The following STXBP5L variants were observed in gnomAD, a reference collection of about 807,000 sequenced individuals.
STXBP5L encodes syntaxin binding protein 5L, also known as syntaxin-binding protein 5-like.
STXBP5L carries 65 observed loss-of-function variants against 144.5 expected under a neutral mutation model. The observed-to-expected ratio is 0.45, with a 90% CI of 0.37 to 0.55. The LOEUF is 0.55. Among genes scored for constraint, STXBP5L ranks in the 20% least tolerant of loss-of-function variants. STXBP5L has a pLI of 0.00. For missense variants in STXBP5L, 1,298 were observed against 1,405.5 expected (o/e 0.92, Z 1.22); for synonymous variants, 505 against 469.6 (o/e 1.08, Z -0.97).
intron 20 of STXBP5L, among the ~76,000 whole-genome samples, chr3:121,355,823 T>C (rs1392569241): frequency 1.3e-5 from 2 of 152,224 alleles, no homozygotes; most frequent in African/African-American, 2.4e-5. Flanking sequence ...ATCTATGTGG[T>C]CTTATCTACC....
At chr3:121,002,234 A>T (rs926694602) in intron 3 of STXBP5L, among the ~76,000 whole-genome samples, 16 of 152,084 alleles carry the variant, frequency 1.1e-4, no homozygotes, top group African/African-American at 3.6e-4. Context: ...TCTCTTTGAT[A>T]ATAGGCATTC....
intron 9 of STXBP5L, among the ~76,000 whole-genome samples, chr3:121,169,539 T>A (rs1428502170): frequency 6.6e-6 from 1 of 151,626 alleles, no homozygotes; most frequent in East Asian, 1.9e-4. Flanking sequence ...AAAGCAAGAG[T>A]TGCAATCCTA....
intron 5 of STXBP5L, among the ~76,000 whole-genome samples, chr3:121,087,355 C>A (rs1401126871): frequency 1.3e-5 from 2 of 151,948 alleles, no homozygotes; most frequent in African/African-American, 4.8e-5. Flanking sequence ...ATGTATTTTG[C>A]AGCCTGTTTG....
chr3:121,177,676 G>C (rs766207692), intron 9 of STXBP5L, among the ~76,000 whole-genome samples: 7 of 152,170 alleles, frequency 4.6e-5, no homozygotes, highest in South Asian at 2.1e-4. Flanking sequence ...TGCACTGTTG[G>C]TGCAAATTTA....
chr3:121,103,905 G>T (rs866103297), intron 5 of STXBP5L, among the ~76,000 whole-genome samples: 2 of 152,068 alleles, frequency 1.3e-5, no homozygotes, highest in Non-Finnish European at 2.9e-5. Context: ...ATATGTTTGG[G>T]TATTTACTGC....
chr3:121,175,144 A>T (rs2046883016), intron 9 of STXBP5L, among the ~76,000 whole-genome samples: 1 of 152,154 alleles, frequency 6.6e-6, no homozygotes, highest in Non-Finnish European at 1.5e-5. Context: ...TAACAAGGAA[A>T]AATAACAATA....
At chr3:121,335,150 C>T (rs1241233906) in intron 20 of STXBP5L, among the ~76,000 whole-genome samples, 3 of 152,090 alleles carry the variant, frequency 2.0e-5, no homozygotes, top group Admixed American at 1.3e-4. Context: ...ACTAGCATTT[C>T]TATACACCAA....
intron 2 of STXBP5L, among the ~76,000 whole-genome samples, chr3:120,927,931 C>T (rs1576431411): frequency 1.3e-5 from 2 of 151,944 alleles, no homozygotes; most frequent in African/African-American, 4.8e-5. Context: ...TTACAGTGCT[C>T]ATATATTTTA....
chr3:121,037,586 C>G (rs1946851336), intron 3 of STXBP5L, among the ~76,000 whole-genome samples: 1 of 151,854 alleles, frequency 6.6e-6, no homozygotes, highest in African/African-American at 2.4e-5. Context: ...TTTTTTGAAT[C>G]TATATTCATG....
chr3:121,038,700 G>A (rs546814304), intron 3 of STXBP5L, among the ~76,000 whole-genome samples: 4 of 151,778 alleles, frequency 2.6e-5, no homozygotes, highest in Non-Finnish European at 2.9e-5. Flanking sequence ...CTAAAAACTC[G>A]AACTATAATT....
At chr3:121,190,963 C>T (rs1216143811) in intron 9 of STXBP5L, among the ~76,000 whole-genome samples, 2 of 151,702 alleles carry the variant, frequency 1.3e-5, no homozygotes, top group African/African-American at 2.4e-5. Flanking sequence ...CAGAGGTGCT[C>T]CCCACATCCC....
Position 121,184,821 on chromosome 3 carries a change from T to C in STXBP5L, c.878-21102T>C, listed in dbSNP as rs141362050. ...TGTTAAGGGCAGCCAGAGAGAAAGG[T>C]CAGGTTACCCAGAAAGGAAAGCCTA... On this transcript the variant is annotated intron_variant, in intron 9 of 26. Transcript: ENST00000471454. 4.0e-3 allele frequency among the ~76,000 whole-genome samples: 616 copies of C among 152,252 alleles called. 2 individuals carry two copies. The highest frequency in any genetic ancestry group is 0.014 in the African/African-American group (580 of 41,550).
chr3:121,008,262 A>T (rs558288707), intron 3 of STXBP5L, among the ~76,000 whole-genome samples: 1 of 152,096 alleles, frequency 6.6e-6, no homozygotes. Context: ...GTCAGTTCCC[A>T]GTATAATAAC....
At chr3:121,078,294 G>C (rs1163966411) in intron 5 of STXBP5L, among the ~76,000 whole-genome samples, 2 of 151,336 alleles carry the variant, frequency 1.3e-5, no homozygotes, top group African/African-American at 2.4e-5. Context: ...AGAGTAGCTA[G>C]ATACAGAGTG....
intron 20 of STXBP5L, among the ~76,000 whole-genome samples, chr3:121,326,985 ATCTC>A (rs1166119420): frequency 6.6e-6 from 1 of 152,136 alleles, no homozygotes; most frequent in African/African-American, 2.4e-5. Flanking sequence ...TCTTTGTGAT[ATCTC>A]CCATTAAAGT....
chr3:121,020,052 G>A (rs1281849975), intron 3 of STXBP5L, among the ~76,000 whole-genome samples: 2 of 152,192 alleles, frequency 1.3e-5, no homozygotes, highest in South Asian at 2.1e-4. Flanking sequence ...TGGAAGAATC[G>A]CCAGTGAAAT....
intron 5 of STXBP5L, among the ~76,000 whole-genome samples, chr3:121,054,809 A>T (rs926560735): frequency 1.3e-5 from 2 of 152,078 alleles, no homozygotes; most frequent in Non-Finnish European, 2.9e-5. Flanking sequence ...TAACCTATTT[A>T]GATCACCATA....
At chr3:121,289,707 C>G (rs1011078525) in intron 19 of STXBP5L, among the ~76,000 whole-genome samples, 16 of 152,132 alleles carry the variant, frequency 1.1e-4, no homozygotes, top group African/African-American at 3.9e-4. Flanking sequence ...AGTACTCTCT[C>G]AGACCACAGT....
At chr3:120,989,911 C>G (rs1318955859) in intron 3 of STXBP5L, among the ~76,000 whole-genome samples, 1 of 152,066 alleles carries the variant, frequency 6.6e-6, no homozygotes, top group African/African-American at 2.4e-5. Context: ...ACAGGGATGC[C>G]CTCTCTCACC....
Sources: allele counts gnomAD v4.1 joint callset (sites outside exome capture counted in the v4.1 genomes callset), GRCh38; gene constraint gnomAD v4.1.1; transcripts MANE v1.5; gene names NCBI Gene and HGNC (gene_info 2026-07-23, HGNC 2026-07-21).